RAB3B: variants seen among roughly 807,000 people sequenced by gnomAD.
RAB3B encodes RAB3B, member RAS oncogene family.
A neutral mutation model predicts 20.5 loss-of-function variants in RAB3B; 11 were observed. The ratio of observed to expected loss-of-function variants is 0.54; its 90% CI spans 0.34 to 0.89. The LOEUF (loss-of-function observed/expected upper bound fraction) is 0.89. Among genes scored for constraint, RAB3B ranks in the 40% least tolerant of loss-of-function variants. The pLI is 0.02. For missense variants in RAB3B, 225 were observed against 280.9 expected (o/e 0.80, Z 1.42); for synonymous variants, 99 against 106.3 (o/e 0.93, Z 0.42).
intron 4 of RAB3B, among the ~76,000 whole-genome samples, chr1:51,927,955 T>C (rs1684267146): frequency 6.6e-6 from 1 of 152,130 alleles, no homozygotes; most frequent in Non-Finnish European, 1.5e-5. Context: ...GAGGAGCACA[T>C]GGAGGCAGAA....
At chr1:51,980,639 T>C (rs1685074023) in intron 1 of RAB3B, 7 of 763,248 alleles carry the variant, frequency 9.2e-6, no homozygotes, top group Admixed American at 8.5e-5. Context: ...ATTTCTGAAG[T>C]GAGCATCTTC....
chr1:51,953,017 A>C (rs1032650360), intron 2 of RAB3B, among the ~76,000 whole-genome samples: 4 of 152,194 alleles, frequency 2.6e-5, no homozygotes, highest in African/African-American at 4.8e-5. Context: ...TATATGGTTG[A>C]CTATTAATTA....
intron 1 of RAB3B, among the ~76,000 whole-genome samples, chr1:51,987,325 G>C (rs1685165985): frequency 6.6e-6 from 1 of 152,186 alleles, no homozygotes; most frequent in South Asian, 2.1e-4. Context: ...TGAAAGATAA[G>C]CCCTGGCTCT....
intron 2 of RAB3B, among the ~76,000 whole-genome samples, chr1:51,943,665 T>C (rs1684525010): frequency 6.6e-6 from 1 of 152,210 alleles, no homozygotes; most frequent in Admixed American, 6.5e-5. Context: ...AACAACCTTA[T>C]TGGCAATATG....
intron 1 of RAB3B, among the ~76,000 whole-genome samples, chr1:51,987,775 C>T (rs1322371890): frequency 1.3e-5 from 2 of 152,168 alleles, no homozygotes; most frequent in Admixed American, 6.5e-5. Context: ...CCGAAATCCA[C>T]GCCTACTCAA....
At chr1:51,925,356 C>T (rs1245139454) in intron 4 of RAB3B, among the ~76,000 whole-genome samples, 1 of 152,182 alleles carries the variant, frequency 6.6e-6, no homozygotes, top group African/African-American at 2.4e-5. Flanking sequence ...GTGGACAATC[C>T]ATCCGGCACC....
At position 51,920,133 on chromosome 1, in the gene RAB3B, C is replaced by A; in HGVS notation, c.473-19G>T. ...TCAAACCCTGGAAAGAGGAGAGATA[C>A]AGATAAGGACTTTTCCCATCCCTTC... is the stretch of plus-strand genomic sequence containing the variant. On this transcript the variant is annotated intron_variant, in intron 4 of 4. Coordinates refer to ENST00000371655, the MANE Select transcript of RAB3B (RefSeq NM_002867.4). The A allele has an allele frequency of 6.3e-7, 1 of 1,588,340 alleles. No individual in the cohort carries two copies. The highest frequency in any genetic ancestry group is 1.7e-5 in the Admixed American group (1 of 58,086).
intron 4 of RAB3B, among the ~76,000 whole-genome samples, chr1:51,921,194 GC>G (rs1218764515): frequency 6.6e-6 from 1 of 151,994 alleles, no homozygotes; most frequent in Non-Finnish European, 1.5e-5. Context: ...TTGTCTGTCT[GC>G]TTTCCTCTTT....
In RAB3B at chr1:51,914,896, G is replaced by A. The variant is rs1202735528; in HGVS notation, c.*5031C>T. The A allele has an allele frequency of 6.6e-6, 1 of 152,212 alleles. No individual in the cohort carries two copies. Among genetic ancestry groups the A allele is most frequent in the Non-Finnish European group, 1.5e-5 (1 of 68,032 alleles). 9.4% of individuals were successfully genotyped at this position (152,212 alleles called of 1,614,324 possible). The stretch of plus-strand genomic sequence containing the variant: ...AGGAGCTTAGTGGCCGGCAGGAGCA[G>A]GTGATATGAGTTGGGGAGTCAGGTC... On this transcript the variant is annotated 3_prime_UTR_variant, in exon 5 of 5. Transcript: ENST00000371655.
chr1:51,912,448 G>GTATATATATATAAAATGT lies in RAB3B; in HGVS notation c.*7478_*7479insACATTTTATATATATATA, dbSNP rs1395205635. 2 of 147,406 alleles carry GTATATATATATAAAATGT rather than the reference G, an allele frequency of 1.4e-5. No individual in the cohort carries two copies. The highest frequency in any genetic ancestry group is 5.0e-5 in the African/African-American group (2 of 39,846). The allele number at this position is 147,406 out of a possible 1,614,324, so 9.1% of individuals were successfully genotyped here. On this transcript the variant is annotated 3_prime_UTR_variant, in exon 5 of 5. Coordinates refer to ENST00000371655, the MANE Select transcript of RAB3B (RefSeq NM_002867.4). ...TGAGGCTGGATGCGGTGGCTCATAC[G>GTATATATATATAAAATGT]TACAATCCTAGTGACTCAGGAGGCC... is the stretch of plus-strand genomic sequence containing the variant.
intron 3 of RAB3B, among the ~76,000 whole-genome samples, chr1:51,934,213 C>T (rs949781381): frequency 7.9e-5 from 12 of 152,180 alleles, no homozygotes; most frequent in Admixed American, 4.6e-4. Flanking sequence ...AACCTTTTTA[C>T]TCATTCCCCA....
chr1:51,935,064 A>T (rs1266724117), intron 3 of RAB3B, among the ~76,000 whole-genome samples: 1 of 152,082 alleles, frequency 6.6e-6, no homozygotes, highest in Non-Finnish European at 1.5e-5. Context: ...CGGCCTATTC[A>T]TCTTTGGGAT....
intron 2 of RAB3B, among the ~76,000 whole-genome samples, chr1:51,961,244 C>A (rs997021561): frequency 6.6e-6 from 1 of 152,208 alleles, no homozygotes; most frequent in East Asian, 1.9e-4. Flanking sequence ...CCATTAGACT[C>A]CCCTGTGAAG....
At chr1:51,977,330 C>T (rs566828279) in intron 1 of RAB3B, among the ~76,000 whole-genome samples, 55 of 152,342 alleles carry the variant, frequency 3.6e-4, no homozygotes, top group Non-Finnish European at 5.7e-4. Flanking sequence ...TTCATTCCTT[C>T]AGCAAATATT....
At chr1:51,989,217 T>C (rs1685191284) in intron 1 of RAB3B, among the ~76,000 whole-genome samples, 1 of 144,230 alleles carries the variant, frequency 6.9e-6, no homozygotes, top group Non-Finnish European at 1.5e-5. Context: ...TTTGTGTGTG[T>C]GTGTGTGTGT....
Position 51,962,786 on chromosome 1 carries a change from G to A in RAB3B, c.228+14104C>T, listed in dbSNP as rs934583476. On this transcript the variant is annotated intron_variant, in intron 2 of 4. Transcript: ENST00000371655. ...TACCTCCTTGCTGTAATCAAAGCCCGGCTCTCCCTGAGGACATGGCTTCTC... is the reference window on the plus strand; with the variant it reads ...TACCTCCTTGCTGTAATCAAAGCCCAGCTCTCCCTGAGGACATGGCTTCTC... Among the ~76,000 whole-genome samples the A allele has an allele frequency of 7.2e-5, 11 of 152,044 alleles. No individual in the cohort carries two copies. The South Asian group carries it at 8.3e-4, about 11-fold the overall frequency.
intron 2 of RAB3B, among the ~76,000 whole-genome samples, chr1:51,950,922 G>A (rs905917139): frequency 2.1e-4 from 32 of 152,172 alleles, no homozygotes; most frequent in African/African-American, 7.7e-4. Context: ...AAACTGGAAG[G>A]GGAGAGCTCT....
In RAB3B at chr1:51,937,744, G is replaced by A. The variant is rs145643642; in HGVS notation, c.229-332C>T. ...ACTCCTGACCTCAGGTGATCCACCC[G>A]CCTCGGCCTCCCAAAGTGCTGGGAT... On this transcript the variant is annotated intron_variant, in intron 2 of 4. Transcript: ENST00000371655. 6.2e-3 allele frequency among the ~76,000 whole-genome samples: 946 copies of A among 152,120 alleles called. 27 individuals carry two copies. The South Asian group carries it at 0.094, about 15-fold the overall frequency.
intron 2 of RAB3B, among the ~76,000 whole-genome samples, chr1:51,963,501 A>G (rs1684809848): frequency 6.6e-6 from 1 of 152,244 alleles, no homozygotes; most frequent in Admixed American, 6.5e-5. Flanking sequence ...AGAAAAACAC[A>G]CAACCATGCT....
Sources: allele counts gnomAD v4.1 joint callset (sites outside exome capture counted in the v4.1 genomes callset), GRCh38; gene constraint gnomAD v4.1.1; transcripts MANE v1.5; gene names NCBI Gene and HGNC (gene_info 2026-07-23, HGNC 2026-07-21).